SNX12: variants seen among roughly 807,000 people sequenced by gnomAD.
The protein encoded by SNX12 is sorting nexin-12.
For synonymous variants in SNX12, 47 were observed against 56.0 expected, an observed-to-expected ratio of 0.84 and a Z score of 0.71; for missense variants, 62 against 141.3, an observed-to-expected ratio of 0.44 and a Z score of 2.84.
At chrX:71,066,433 T>C (rs1236762382) in intron 1 of SNX12, among the ~76,000 whole-genome samples, 1 of 109,012 alleles carries the variant, frequency 9.2e-6, no homozygotes, top group Non-Finnish European at 1.9e-5. Flanking sequence ...CTATTAAAAA[T>C]ACAAAAATTA....
At chrX:71,068,939 C>G (rs886466355), upstream of SNX12, among the ~76,000 whole-genome samples, 7 of 111,586 alleles carry the variant, frequency 6.3e-5, no homozygotes, top group Non-Finnish European at 1.3e-4. Context: ...AAAGACATTT[C>G]TCTCTTACTT....
intron 1 of SNX12, among the ~76,000 whole-genome samples, chrX:71,067,763 G>A (rs967602212): frequency 9.9e-5 from 11 of 111,227 alleles, no homozygotes; most frequent in African/African-American, 3.6e-4. Context: ...GGAGCTCAGC[G>A]ATATATCGCC....
Position 71,059,494 on chromosome X carries a change from A to C in SNX12, c.*1522T>G, listed in dbSNP as rs907633676. 2.7e-5 allele frequency: 3 copies of C among 112,296 alleles called. No individual in the cohort carries two copies. The highest frequency in any genetic ancestry group is 7.4e-4 in the South Asian group (2 of 2,704). 9.3% of individuals were successfully genotyped at this position (112,296 alleles called of 1,213,427 possible). ...GGTGGGAAAGGGAGCAGAGCCTCTC[A>C]TTAGGGGCTGCTTAGCCCCTGGCGC... On this transcript the variant is annotated 3_prime_UTR_variant, in exon 4 of 4. Transcript: ENST00000374274.
At chrX:71,062,435 C>T (rs1350360370) in intron 2 of SNX12, among the ~76,000 whole-genome samples, 8 of 99,417 alleles carry the variant, frequency 8.0e-5, no homozygotes, top group African/African-American at 1.2e-4. Flanking sequence ...TGCAGTGGCA[C>T]GATCTCAGCT....
At position 71,060,743 on chromosome X, in the gene SNX12, G is replaced by C; in HGVS notation, c.*273C>G. 3.4e-6 allele frequency: 1 copy of C among 291,970 alleles called. No homozygotes were observed. The highest frequency in any genetic ancestry group is 5.7e-5 in the East Asian group (1 of 17,489). The allele number at this position is 291,970 out of a possible 1,213,427, so 24.1% of individuals were successfully genotyped here. On this transcript the variant is annotated 3_prime_UTR_variant, in exon 4 of 4. Coordinates refer to ENST00000374274, the MANE Select transcript of SNX12 (RefSeq NM_013346.4). ...GGTTAGCCTTCTGGCATGGGTAAAT[G>C]CCCAAGAAATTGCCTTCCAGTCTAA...
chrX:71,069,302 G>A (rs2092165933), upstream of SNX12, among the ~76,000 whole-genome samples: 1 of 111,681 alleles, frequency 9.0e-6, no homozygotes, highest in African/African-American at 3.3e-5. Flanking sequence ...TTTCAACAGA[G>A]TATGAGGCCC....
chrX:71,061,664 C>T (rs1448934818), intron 3 of SNX12, among the ~76,000 whole-genome samples, 179 bp downstream of exon 3: 3 of 108,952 alleles, frequency 2.8e-5, no homozygotes, highest in African/African-American at 6.7e-5. Flanking sequence ...ACCCAGGAGA[C>T]GGAGGTTGCA....
At chrX:71,073,346 G>A (rs1024957922), upstream of SNX12, 2 of 111,612 alleles carry the variant, frequency 1.8e-5, no homozygotes, top group East Asian at 2.8e-4. Flanking sequence ...CACAATCTCC[G>A]ACTCGATGTT....
At chrX:71,066,483 G>A (rs1485209022) in intron 1 of SNX12, among the ~76,000 whole-genome samples, 5 of 109,340 alleles carry the variant, frequency 4.6e-5, no homozygotes, top group Admixed American at 2.9e-4. Flanking sequence ...CCAGCTACTC[G>A]GGAGGATGAG....
chrX:71,064,536 C>T (rs1489391490), intron 1 of SNX12, among the ~76,000 whole-genome samples: 1 of 112,490 alleles, frequency 8.9e-6, no homozygotes, highest in Non-Finnish European at 1.9e-5. Flanking sequence ...TTTATCCTCT[C>T]CTCATCTAGA....
chrX:71,063,496 CAAAA>C (rs764741794), intron 1 of SNX12, among the ~76,000 whole-genome samples: 2 of 61,848 alleles, frequency 3.2e-5, no homozygotes, highest in Non-Finnish European at 6.2e-5. Flanking sequence ...GATTCTGTCT[CAAAA>C]AAAAAAAAAA....
rs1052836490 is a variant in SNX12 at position 71,059,741 on chromosome X, C to T, written c.*1275G>A. Reference sequence around the variant, plus strand: ...GCACCAAAGTTAACTTACTCTCACCCCACCACTTGGGACAGACGTTGGGCC... The same window carrying T: ...GCACCAAAGTTAACTTACTCTCACCTCACCACTTGGGACAGACGTTGGGCC... On this transcript the variant is annotated 3_prime_UTR_variant, in exon 4 of 4. Transcript: ENST00000374274. 1 of 111,372 alleles carries T rather than the reference C, an allele frequency of 9.0e-6. No homozygotes were observed. Among genetic ancestry groups the T allele is most frequent in the Non-Finnish European group, 1.9e-5 (1 of 53,067 alleles). 9.2% of individuals were successfully genotyped at this position (111,372 alleles called of 1,213,427 possible).
At chrX:71,062,983 G>A (rs935586797) in intron 1 of SNX12, 34 bp from the exon 2 acceptor site, 6 of 985,955 alleles carry the variant, frequency 6.1e-6, no homozygotes, top group Non-Finnish European at 8.6e-6. Flanking sequence ...AAGAAAGATG[G>A]TAATGTTCAG....
chrX:71,072,770 C>T (rs1383120597), upstream of SNX12, among the ~76,000 whole-genome samples: 1 of 110,903 alleles, frequency 9.0e-6, no homozygotes, highest in Non-Finnish European at 1.9e-5. Context: ...AAGTTAAATT[C>T]ACAATGAGGT....
chrX:71,068,160 G>A lies in SNX12; in HGVS notation c.147C>T (p.Thr49=), dbSNP rs764483407. The change falls in exon 1 of 4, where the codon ACC becomes ACT. Residue 49 remains threonine (T), a synonymous_variant. Coordinates refer to ENST00000374274, the MANE Select transcript of SNX12 (RefSeq NM_013346.4). ...GACTCACCCGCATGCGAACCTCATA[G>A]GTGGTGAAGCGCGCGCGTCCCACGC... The part of the protein sequence containing the change: ...TVGVGRARFT[T]YEVRMRTNLP... 1.3e-5 allele frequency: 16 copies of A among 1,207,549 alleles called. No individual in the cohort carries two copies. The highest frequency in any genetic ancestry group is 3.0e-5 in the East Asian group (1 of 33,495).
At chrX:71,070,873 A>T (rs1259589905), upstream of SNX12, among the ~76,000 whole-genome samples, 1 of 111,413 alleles carries the variant, frequency 9.0e-6, no homozygotes, top group Non-Finnish European at 1.9e-5. Context: ...GGAGAAAAGA[A>T]GTCACAGACG....
chrX:71,068,628 A>G (rs771223792), upstream of SNX12, among the ~76,000 whole-genome samples: 4 of 113,158 alleles, frequency 3.5e-5, no homozygotes, highest in South Asian at 1.4e-3. Flanking sequence ...GGCTCCGCCA[A>G]TCGCGGCTCC....
upstream of SNX12, among the ~76,000 whole-genome samples, chrX:71,069,667 G>A (rs757188021): frequency 4.0e-4 from 45 of 111,976 alleles, no homozygotes; most frequent in Non-Finnish European, 6.4e-4. Context: ...CAGGCCGGGC[G>A]CGGTGGCTCA....
Position 71,068,317 on chromosome X carries a change from G to C in SNX12, c.-11C>G. 1 of 1,188,750 alleles carries C rather than the reference G, an allele frequency of 8.4e-7. No individual in the cohort carries two copies. Among genetic ancestry groups the C allele is most frequent in the South Asian group, 1.8e-5 (1 of 54,083 alleles). ...TGCCGTGTCCGACATCTTTCCGAAG[G>C]AGAGCCTGGGACCGGGGAAAGGGGG... On this transcript the variant is annotated 5_prime_UTR_variant, in exon 1 of 4. Transcript: ENST00000374274.
Sources: allele counts gnomAD v4.1 joint callset (sites outside exome capture counted in the v4.1 genomes callset), GRCh38; gene constraint gnomAD v4.1.1; transcripts MANE v1.5; gene names NCBI Gene and HGNC (gene_info 2026-07-23, HGNC 2026-07-21).